Variants in TMOD1 observed in about 807,000 individuals in gnomAD.
The protein encoded by TMOD1 is tropomodulin-1.
TMOD1 carries 17 observed loss-of-function variants against 40.6 expected under a neutral mutation model. That is an observed-to-expected ratio of 0.42 (90% confidence interval 0.29 to 0.63). The LOEUF (loss-of-function observed/expected upper bound fraction) is 0.63, where lower values mean the gene tolerates loss of function less well. Among genes scored for constraint, TMOD1 ranks in the 20% least tolerant of loss-of-function variants. TMOD1 has a pLI of 0.22. For missense variants in TMOD1, 391 were observed against 447.6 expected (o/e 0.87, Z 1.14); for synonymous variants, 181 against 175.0 (o/e 1.03, Z -0.27).
chr9:97,569,553 G>A (rs1830788008), intron 8 of TMOD1, among the ~76,000 whole-genome samples: 1 of 152,128 alleles, frequency 6.6e-6, no homozygotes, highest in African/African-American at 2.4e-5. Flanking sequence ...TTATTCTTAT[G>A]GAGTTACTGT....
intron 3 of TMOD1, 93 bp from the exon 4 acceptor site, chr9:97,553,188 C>G: frequency 2.5e-6 from 4 of 1,569,786 alleles, no homozygotes; most frequent in Non-Finnish European, 3.5e-6. Flanking sequence ...GAGGGACCCA[C>G]AGGGCTCTAC....
chr9:97,528,337 G>T (rs1830047807), intron 2 of TMOD1, among the ~76,000 whole-genome samples: 1 of 152,208 alleles, frequency 6.6e-6, no homozygotes, highest in South Asian at 2.1e-4. Context: ...GAGCACAGGG[G>T]TGTGGGAGCA....
At position 97,600,401 on chromosome 9, in the gene TMOD1, GTTC is replaced by G; in HGVS notation, c.*706_*708del. ...CCAGGCAACAAACATGTCCCTGAGT[GTTC>G]TTTAAGAACATTTGGGATTTATGTA... On this transcript the variant is annotated 3_prime_UTR_variant, in exon 10 of 10. Transcript: ENST00000259365. 1 of 985,850 alleles carries G rather than the reference GTTC, an allele frequency of 1.0e-6. No homozygotes were observed. The highest frequency in any genetic ancestry group is 1.2e-6 in the Non-Finnish European group (1 of 830,140). The allele number at this position is 985,850 out of a possible 1,614,324, so 61.1% of individuals were successfully genotyped here.
At chr9:97,517,481 CA>C (rs1829831209) in intron 1 of TMOD1, among the ~76,000 whole-genome samples, 1 of 152,058 alleles carries the variant, frequency 6.6e-6, no homozygotes, top group South Asian at 2.1e-4. Context: ...CAAACCAGGC[CA>C]GGGGAGGGTG....
intron 1 of TMOD1, among the ~76,000 whole-genome samples, chr9:97,510,836 A>T (rs1239703479): frequency 2.0e-5 from 3 of 152,100 alleles, no homozygotes; most frequent in Non-Finnish European, 4.4e-5. Flanking sequence ...GGGAAATGAA[A>T]TGGAAGGGGC....
chr9:97,531,866 A>G (rs1375758117), intron 2 of TMOD1, among the ~76,000 whole-genome samples: 4 of 152,156 alleles, frequency 2.6e-5, no homozygotes, highest in Admixed American at 6.5e-5. Flanking sequence ...CTGATGAGAC[A>G]TCCAAGCATC....
chr9:97,574,899 C>T (rs1038379661), intron 8 of TMOD1, among the ~76,000 whole-genome samples: 5 of 152,140 alleles, frequency 3.3e-5, no homozygotes, highest in African/African-American at 9.7e-5. Flanking sequence ...GGATTGTAAA[C>T]GCACCAGTCA....
rs1009294106 is a variant in TMOD1, at chr9:97,600,077, A to C, written c.*379A>C. Reference sequence around the variant, plus strand: ...TGACACAGAAACGGCACACTCTTCCACATGCTTTTGAAGTATTATAAAACA... The same window carrying C: ...TGACACAGAAACGGCACACTCTTCCCCATGCTTTTGAAGTATTATAAAACA... On this transcript the variant is annotated 3_prime_UTR_variant, in exon 10 of 10. Transcript: ENST00000259365. 3 of 1,037,114 alleles carry C rather than the reference A, an allele frequency of 2.9e-6. No individual in the cohort carries two copies. The African/African-American group carries it at 5.0e-5, about 17-fold the overall frequency. 64.2% of individuals were successfully genotyped at this position (1,037,114 alleles called of 1,614,324 possible). A position where few individuals can be genotyped will look rare whatever the true frequency, so the allele number is the denominator to read the frequency against.
In TMOD1 at chr9:97,599,723, T is replaced by TTGAAC. The variant is rs766361228; in HGVS notation, c.*28_*32dup. The TTGAAC allele has an allele frequency of 2.3e-5, 37 of 1,613,922 alleles. No individual in the cohort carries two copies. The South Asian group carries it at 2.9e-4, about 12-fold the overall frequency. ...GTGTGTGGCGGTGGAGTCCATGCCT[T>TTGAAC]TGAACTGGATGTGTTCTATTGATGA... On this transcript the variant is annotated 3_prime_UTR_variant, in exon 10 of 10. Coordinates refer to ENST00000259365, the MANE Select transcript of TMOD1 (RefSeq NM_003275.4).
Position 97,581,684 on chromosome 9 carries a change from A to G in TMOD1, c.871-9607A>G, listed in dbSNP as rs564630937. ...GTTTCCTGACTTTTTAATGATCGCC[A>G]GTCTAACTGGTGTGAGATGGTATCT... On this transcript the variant is annotated intron_variant, in intron 8 of 9. Coordinates refer to ENST00000259365, the MANE Select transcript of TMOD1 (RefSeq NM_003275.4). Among the ~76,000 whole-genome samples, 326 of 149,528 alleles carry G rather than the reference A, an allele frequency of 2.2e-3. 4 individuals are homozygous for G. In the East Asian group the frequency reaches 0.028, roughly 13 times the overall value.
At chr9:97,594,516 G>A (rs1826065733) in intron 9 of TMOD1, among the ~76,000 whole-genome samples, 1 of 152,216 alleles carries the variant, frequency 6.6e-6, no homozygotes, top group Non-Finnish European at 1.5e-5. Flanking sequence ...GAAGGGAGCA[G>A]GCCTCTCAGG....
intron 1 of TMOD1, among the ~76,000 whole-genome samples, chr9:97,521,255 A>G (rs1431523903): frequency 2.0e-5 from 3 of 152,130 alleles, no homozygotes; most frequent in Admixed American, 2.0e-4. Flanking sequence ...TCTGCTTGCA[A>G]CCTATTCCTC....
intron 2 of TMOD1, 148 bp from the exon 3 acceptor site, chr9:97,546,037 C>T (rs1044489137): frequency 3.3e-5 from 32 of 956,970 alleles, no homozygotes; most frequent in Middle Eastern, 3.4e-4. Flanking sequence ...ACTTGTAAAA[C>T]GAGGAACACC....
At chr9:97,521,193 C>T (rs774045410) in intron 1 of TMOD1, among the ~76,000 whole-genome samples, 4 of 152,208 alleles carry the variant, frequency 2.6e-5, no homozygotes, top group East Asian at 1.9e-4. Flanking sequence ...ATTCCATTTC[C>T]GGGTGCAGTT....
Position 97,591,538 on chromosome 9 carries a change from T to G in TMOD1, c.1015+103T>G, listed in dbSNP as rs1587964839. On this transcript the variant is annotated intron_variant, in intron 9 of 9. Coordinates refer to ENST00000259365, the MANE Select transcript of TMOD1 (RefSeq NM_003275.4). ...TCTGTAGATGCCTCTCCGAGTCTTCTTGAGCCTTGATTTTCACATTGATCG... is the reference window on the plus strand; with the variant it reads ...TCTGTAGATGCCTCTCCGAGTCTTCGTGAGCCTTGATTTTCACATTGATCG... The G allele has an allele frequency of 3.7e-6, 5 of 1,365,534 alleles. No individual in the cohort carries two copies. In the East Asian group the frequency reaches 9.2e-5, roughly 25 times the overall value. The allele number at this position is 1,365,534 out of a possible 1,614,324, so 84.6% of individuals were successfully genotyped here.
chr9:97,510,933 G>A (rs1049235417), intron 1 of TMOD1, among the ~76,000 whole-genome samples: 1 of 152,146 alleles, frequency 6.6e-6, no homozygotes, highest in Non-Finnish European at 1.5e-5. Context: ...TTGAGGGCAG[G>A]TGGGCAGGCC....
chr9:97,534,265 C>A (rs549242854), intron 2 of TMOD1, among the ~76,000 whole-genome samples: 1 of 152,108 alleles, frequency 6.6e-6, no homozygotes, highest in Non-Finnish European at 1.5e-5. Context: ...GAATCGGGGA[C>A]GATTTGGAGT....
intron 3 of TMOD1, among the ~76,000 whole-genome samples, chr9:97,552,594 A>G (rs1830471378): frequency 6.6e-6 from 1 of 152,266 alleles, no homozygotes; most frequent in Admixed American, 6.5e-5. Flanking sequence ...GCAATTTCTC[A>G]TAAATGGAAT....
At chr9:97,507,128 G>T (rs1457359702) in intron 1 of TMOD1, among the ~76,000 whole-genome samples, 1 of 152,100 alleles carries the variant, frequency 6.6e-6, no homozygotes. Context: ...ATTCATTTGT[G>T]CCTTGGATCA....
Sources: gnomAD v4.1 joint callset for allele counts (sites outside exome capture counted in the v4.1 genomes callset) on GRCh38, gnomAD v4.1.1 for gene constraint, MANE v1.5 for transcripts, NCBI Gene and HGNC (gene_info 2026-07-23, HGNC 2026-07-21) for gene names.